SKAP2: variants seen among roughly 807,000 people sequenced by gnomAD.
SKAP2 encodes src kinase associated phosphoprotein 2.
A neutral mutation model predicts 54.9 loss-of-function variants in SKAP2; 28 were observed. The observed-to-expected ratio is 0.51, with a 90% CI of 0.38 to 0.70. The LOEUF (loss-of-function observed/expected upper bound fraction) is 0.70. Ranked by LOEUF, SKAP2 falls within the 30% of genes least tolerant of loss-of-function variation. The pLI is 0.00. For synonymous variants in SKAP2, 137 were observed against 134.3 expected, an observed-to-expected ratio of 1.02 and a Z score of -0.14; for missense variants, 356 against 424.1, an observed-to-expected ratio of 0.84 and a Z score of 1.41.
At chr7:26,810,900 T>G (rs1054604699) in intron 4 of SKAP2, among the ~76,000 whole-genome samples, 6 of 152,178 alleles carry the variant, frequency 3.9e-5, no homozygotes, top group African/African-American at 1.4e-4. Context: ...CAAGATGGTC[T>G]CGATCTCTTG....
chr7:26,815,935 T>C (rs759939829), intron 4 of SKAP2, among the ~76,000 whole-genome samples: 1 of 152,144 alleles, frequency 6.6e-6, no homozygotes, highest in South Asian at 2.1e-4. Flanking sequence ...AGCATTTTAG[T>C]ATAGCTCCAT....
At chr7:26,728,230 T>G (rs770187037) in intron 6 of SKAP2, among the ~76,000 whole-genome samples, 5 of 152,094 alleles carry the variant, frequency 3.3e-5, no homozygotes, top group Non-Finnish European at 7.4e-5. Context: ...ATACAGTACT[T>G]TAAAGATTAG....
chr7:26,727,506 A>C (rs983838158), intron 6 of SKAP2, among the ~76,000 whole-genome samples: 3 of 152,176 alleles, frequency 2.0e-5, no homozygotes, highest in Non-Finnish European at 4.4e-5. Flanking sequence ...CTCTAACCTT[A>C]CAAAGCAAAC....
At chr7:26,804,746 A>C (rs1232004871) in intron 4 of SKAP2, among the ~76,000 whole-genome samples, 1 of 152,042 alleles carries the variant, frequency 6.6e-6, no homozygotes, top group African/African-American at 2.4e-5. Context: ...CTCAAAAAAA[A>C]AAAAAAAAAG....
chr7:26,788,824 GCA>G (rs143795258), intron 4 of SKAP2, among the ~76,000 whole-genome samples: 178 of 150,962 alleles, frequency 1.2e-3, no homozygotes, highest in Admixed American at 3.6e-3. Flanking sequence ...ACACACGTGC[GCA>G]CACACACACA....
chr7:26,786,188 G>A (rs1322852678), intron 4 of SKAP2, among the ~76,000 whole-genome samples: 2 of 152,090 alleles, frequency 1.3e-5, no homozygotes, highest in Admixed American at 1.3e-4. Context: ...TTAGGACCCA[G>A]GGGAATTTTT....
At chr7:26,770,129 C>T (rs2127974515) in intron 4 of SKAP2, among the ~76,000 whole-genome samples, 1 of 152,306 alleles carries the variant, frequency 6.6e-6, no homozygotes, top group South Asian at 2.1e-4. Flanking sequence ...GAGGCTGCTG[C>T]CTTTCTTCCA....
chr7:26,726,731 A>G (rs1015857727), intron 7 of SKAP2, 151 bp downstream of exon 7: 1 of 581,376 alleles, frequency 1.7e-6, no homozygotes, highest in Admixed American at 3.9e-5. Context: ...ATTTCCTCTT[A>G]TATGAATGTT....
intron 4 of SKAP2, among the ~76,000 whole-genome samples, chr7:26,835,748 G>C (rs1213459996): frequency 6.6e-6 from 1 of 152,042 alleles, no homozygotes; most frequent in Non-Finnish European, 1.5e-5. Context: ...TCAATATCAT[G>C]AAAAATGGCC....
At chr7:26,822,392 C>T (rs1444928887) in intron 4 of SKAP2, among the ~76,000 whole-genome samples, 1 of 152,018 alleles carries the variant, frequency 6.6e-6, no homozygotes, top group Non-Finnish European at 1.5e-5. Flanking sequence ...GATCTATAAT[C>T]AGTGATCTTT....
intron 6 of SKAP2, among the ~76,000 whole-genome samples, chr7:26,730,916 G>A (rs890387648): frequency 2.6e-5 from 4 of 152,052 alleles, no homozygotes; most frequent in African/African-American, 9.7e-5. Context: ...GCTTCTACAT[G>A]TCAAGAACTT....
intron 4 of SKAP2, among the ~76,000 whole-genome samples, chr7:26,812,446 T>C (rs997158851): frequency 6.6e-6 from 1 of 152,198 alleles, no homozygotes; most frequent in Non-Finnish European, 1.5e-5. Context: ...GAAATTCTCA[T>C]ATCTGTTCTA....
intron 4 of SKAP2, among the ~76,000 whole-genome samples, chr7:26,831,190 C>T (rs1403011468): frequency 6.6e-6 from 1 of 152,150 alleles, no homozygotes; most frequent in African/African-American, 2.4e-5. Context: ...GTGACTCCTT[C>T]CCAAGGCTCA....
chr7:26,799,149 A>G (rs966941825), intron 4 of SKAP2, among the ~76,000 whole-genome samples: 23 of 150,108 alleles, frequency 1.5e-4, no homozygotes, highest in African/African-American at 5.4e-4. Flanking sequence ...GCAAGGCAAG[A>G]CAACACCAGA....
intron 4 of SKAP2, among the ~76,000 whole-genome samples, chr7:26,766,589 TATG>T (rs1192552323): frequency 6.6e-6 from 1 of 152,226 alleles, no homozygotes; most frequent in Non-Finnish European, 1.5e-5. Context: ...GCCCATTCAG[TATG>T]ATATCGGCTG....
At chr7:26,774,550 T>G (rs967048812) in intron 4 of SKAP2, among the ~76,000 whole-genome samples, 8 of 151,942 alleles carry the variant, frequency 5.3e-5, no homozygotes, top group Non-Finnish European at 8.8e-5. Context: ...CACACCTATG[T>G]GTATATGCTA....
chr7:26,756,184 AT>A (rs898131889), intron 4 of SKAP2, among the ~76,000 whole-genome samples: 7 of 152,126 alleles, frequency 4.6e-5, no homozygotes, highest in East Asian at 3.9e-4. Flanking sequence ...CTTTTTGTTA[AT>A]TTTTTTTATT....
intron 1 of SKAP2, chr7:26,857,514 G>A (rs1785195962): frequency 2.0e-6 from 2 of 985,124 alleles, no homozygotes; most frequent in South Asian, 4.7e-5. Context: ...TAGACGTGCC[G>A]GTGGCGTTCG....
At chr7:26,725,019 T>C (rs1787670423) in intron 9 of SKAP2, among the ~76,000 whole-genome samples, 2 of 151,986 alleles carry the variant, frequency 1.3e-5, no homozygotes, top group East Asian at 3.9e-4. Flanking sequence ...GTTGGTAACA[T>C]CTGGGGTGTG....
Sources: allele counts gnomAD v4.1 joint callset (sites outside exome capture counted in the v4.1 genomes callset), GRCh38; gene constraint gnomAD v4.1.1; transcripts MANE v1.5; gene names NCBI Gene and HGNC (gene_info 2026-07-23, HGNC 2026-07-21).